Variants in C5orf24 observed in about 807,000 individuals in gnomAD.
C5orf24 encodes chromosome 5 open reading frame 24, also known as UPF0461 protein C5orf24.
A neutral mutation model predicts 9.8 loss-of-function variants in C5orf24; 4 were observed. The ratio of observed to expected loss-of-function variants is 0.41; its 90% CI spans 0.20 to 0.93. The LOEUF is 0.93. Ranked by LOEUF, C5orf24 falls within the 40% of genes least tolerant of loss-of-function variation. C5orf24 has a pLI of 0.33. For missense variants in C5orf24, 170 were observed against 236.9 expected (o/e 0.72, Z 1.85); for synonymous variants, 73 against 81.3 (o/e 0.90, Z 0.55).
the C5orf24 span, among the ~76,000 whole-genome samples, chr5:134,836,666 C>T: frequency 6.6e-6 from 1 of 151,886 alleles, no homozygotes; most frequent in Admixed American, 6.6e-5. Flanking sequence ...GCCTCATCCT[C>T]CTGAGTAGCT....
At chr5:134,847,413 A>G (rs1756026109) in intron 1 of C5orf24, among the ~76,000 whole-genome samples, 1 of 151,980 alleles carries the variant, frequency 6.6e-6, no homozygotes, top group African/African-American at 2.4e-5. Flanking sequence ...CTCCTGCCTC[A>G]GCCTCCCAAG....
At chr5:134,834,317 T>C in the C5orf24 span, among the ~76,000 whole-genome samples, 1 of 152,192 alleles carries the variant, frequency 6.6e-6, no homozygotes, top group Non-Finnish European at 1.5e-5. Context: ...CAGCTTTGGA[T>C]GTTAGAGTGT....
intron 1 of C5orf24, among the ~76,000 whole-genome samples, chr5:134,850,147 G>GT (rs780160599): frequency 6.6e-6 from 1 of 151,672 alleles, no homozygotes; most frequent in Non-Finnish European, 1.5e-5. Flanking sequence ...GAGATATGTG[G>GT]TTTTTTGTTT....
At chr5:134,851,569 T>C (rs552815203) in intron 1 of C5orf24, among the ~76,000 whole-genome samples, 8 of 151,922 alleles carry the variant, frequency 5.3e-5, no homozygotes, top group South Asian at 2.1e-4. Context: ...CATTGTACAA[T>C]GCAGTGGACA....
the C5orf24 span, among the ~76,000 whole-genome samples, chr5:134,834,082 C>T: frequency 0.43 from 65,213 of 152,062 alleles, 16,967 homozygotes; most frequent in African/African-American, 0.71. Flanking sequence ...CTTTAAAAGA[C>T]AGAATTTCAG....
the C5orf24 span, among the ~76,000 whole-genome samples, chr5:134,838,640 TCAAA>T: frequency 6.6e-6 from 1 of 151,954 alleles, no homozygotes; most frequent in Non-Finnish European, 1.5e-5. Context: ...AGACTTTATC[TCAAA>T]CAAACAAATA....
At position 134,846,111 on chromosome 5, in the gene C5orf24, G is replaced by C. The variant is rs915474203; in HGVS notation, c.-105G>C. On this transcript the variant is annotated 5_prime_UTR_variant, in exon 1 of 2. Transcript: ENST00000394976. ...TCCGTCTTGGCCCGTTCTCCGCACCGTGCAGAGGCGGCGGGCTGGGGAGGG... is the reference window on the plus strand; with the variant it reads ...TCCGTCTTGGCCCGTTCTCCGCACCCTGCAGAGGCGGCGGGCTGGGGAGGG... 1.3e-5 allele frequency: 2 copies of C among 152,324 alleles called. No homozygotes were observed. Among genetic ancestry groups the C allele is most frequent in the African/African-American group, 4.8e-5 (2 of 41,474 alleles). The allele number at this position is 152,324 out of a possible 1,614,324, so 9.4% of individuals were successfully genotyped here.
At chr5:134,853,649 C>G (rs1325697885) in intron 1 of C5orf24, among the ~76,000 whole-genome samples, 2 of 151,194 alleles carry the variant, frequency 1.3e-5, no homozygotes, top group African/African-American at 2.4e-5. Flanking sequence ...ATAGCTGATG[C>G]CACCATGCCT....
At chr5:134,851,766 T>C (rs1756166794) in intron 1 of C5orf24, among the ~76,000 whole-genome samples, 2 of 152,190 alleles carry the variant, frequency 1.3e-5, no homozygotes, top group Non-Finnish European at 2.9e-5. Context: ...CCTTATAGGC[T>C]TGTACTGAGG....
chr5:134,834,797 A>G, the C5orf24 span, among the ~76,000 whole-genome samples: 3 of 152,126 alleles, frequency 2.0e-5, no homozygotes, highest in Non-Finnish European at 2.9e-5. Flanking sequence ...CTGTAACCCT[A>G]GCACTTTGGG....
At chr5:134,841,307 G>GGGCTA (rs1454752188), upstream of C5orf24, among the ~76,000 whole-genome samples, 2 of 150,820 alleles carry the variant, frequency 1.3e-5, no homozygotes, top group Non-Finnish European at 1.5e-5. Flanking sequence ...TAATTTTTCT[G>GGGCTA]GGCTAGGTGT....
chr5:134,846,851 CAGAGTGATTG>C, intron 1 of C5orf24: 1 of 152,122 alleles, frequency 6.6e-6, no homozygotes, highest in African/African-American at 2.4e-5. Flanking sequence ...AATGGACTTT[CAGAGTGATTG>C]AGGTGAGTTG....
At position 134,846,202 on chromosome 5, in the gene C5orf24, G is replaced by C. The variant is rs1478272020; in HGVS notation, c.-14G>C. 6.6e-6 allele frequency: 1 copy of C among 152,440 alleles called. No homozygotes were observed. The highest frequency in any genetic ancestry group is 1.9e-4 in the East Asian group (1 of 5,190). 9.4% of individuals were successfully genotyped at this position (152,440 alleles called of 1,614,324 possible). A position where few individuals can be genotyped will look rare whatever the true frequency, so the allele number is the denominator to read the frequency against. On this transcript the variant is annotated 5_prime_UTR_variant, in exon 1 of 2. Coordinates refer to ENST00000394976, the MANE Select transcript of C5orf24 (RefSeq NM_001135586.1). ...TAGACGCGCCGAGGGGCCGGGCTAC[G>C]AGCGGCTGAGGTAGGTAGGGGTGCG...
the C5orf24 span, among the ~76,000 whole-genome samples, chr5:134,834,970 G>A: frequency 6.6e-6 from 1 of 152,092 alleles, no homozygotes; most frequent in African/African-American, 2.4e-5. Flanking sequence ...CTTGAACCTG[G>A]GAGGCAGAGG....
At chr5:134,854,776 TAG>T in intron 1 of C5orf24, 120 bp from the exon 2 acceptor site, 2 of 1,034,828 alleles carry the variant, frequency 1.9e-6, no homozygotes, top group Middle Eastern at 3.1e-4. Flanking sequence ...TCCTGCCTGT[TAG>T]CCTAATTTTA....
At chr5:134,845,369 C>T (rs1259309220), upstream of C5orf24, among the ~76,000 whole-genome samples, 1 of 152,168 alleles carries the variant, frequency 6.6e-6, no homozygotes, top group Admixed American at 6.6e-5. Context: ...AATTCTGGAT[C>T]CTCTCCATTC....
chr5:134,833,713 T>G, the C5orf24 span: 2 of 152,112 alleles, frequency 1.3e-5, no homozygotes, highest in Non-Finnish European at 2.9e-5. Context: ...CAGGCAGGGG[T>G]CCAAGTAGGA....
At chr5:134,847,646 G>A (rs563436273) in intron 1 of C5orf24, among the ~76,000 whole-genome samples, 15 of 151,080 alleles carry the variant, frequency 9.9e-5, no homozygotes, top group Non-Finnish European at 2.1e-4. Context: ...TACACAACCT[G>A]TTCTATAACT....
upstream of C5orf24, among the ~76,000 whole-genome samples, chr5:134,843,389 A>G (rs1050379281): frequency 3.9e-5 from 6 of 152,222 alleles, no homozygotes; most frequent in African/African-American, 1.4e-4. Flanking sequence ...AATATTTGAA[A>G]ATAGAATAGT....
Sources: gnomAD v4.1 joint callset for allele counts (sites outside exome capture counted in the v4.1 genomes callset) on GRCh38, gnomAD v4.1.1 for gene constraint, MANE v1.5 for transcripts, NCBI Gene and HGNC (gene_info 2026-07-23, HGNC 2026-07-21) for gene names.